RBMX: variants seen among roughly 807,000 people sequenced by gnomAD.
RBMX encodes RNA-binding motif protein, X chromosome.
A neutral mutation model predicts 29.3 loss-of-function variants in RBMX; 1 was observed. The observed-to-expected ratio is 0.03, with a 90% CI of 0.01 to 0.16. The LOEUF (loss-of-function observed/expected upper bound fraction) is 0.16, where lower values mean the gene tolerates loss of function less well. RBMX is among the 10% of genes least tolerant of loss of function. The pLI is 1.00. For synonymous variants in RBMX, 102 were observed against 102.3 expected (o/e 1.00, Z 0.02); for missense variants, 121 against 333.2 (o/e 0.36, Z 4.96).
At chrX:136,875,782 C>T (rs1403828262) in intron 5 of RBMX, among the ~76,000 whole-genome samples, 197 bp from the exon 6 acceptor site, 1 of 110,656 alleles carries the variant, frequency 9.0e-6, no homozygotes, top group East Asian at 2.8e-4. Flanking sequence ...ATCTAATCAC[C>T]TAGAACACAT....
intron 2 of RBMX, 88 bp downstream of exon 2, chrX:136,879,226 ATACAT>A (rs2077771362): frequency 8.4e-7 from 1 of 1,193,224 alleles, no homozygotes; most frequent in African/African-American, 1.8e-5. Flanking sequence ...GAGGACAAAA[ATACAT>A]TATCATGTCA....
In RBMX at chrX:136,880,604, G is replaced by A. The variant is rs1446012059; in HGVS notation, c.-34C>T. ...AGGAAAGGAGACACGTACCGGAGGG[G>A]TGACAATGGGTTCAAGCTCCAACGA... On this transcript the variant is annotated 5_prime_UTR_variant, in exon 1 of 9. Transcript: ENST00000320676. 1.7e-5 allele frequency: 2 copies of A among 118,862 alleles called. No homozygotes were observed. The highest frequency in any genetic ancestry group is 3.8e-5 in the Non-Finnish European group (2 of 53,289). The allele number at this position is 118,862 out of a possible 1,213,427, so 9.8% of individuals were successfully genotyped here. A position where few individuals can be genotyped will look rare whatever the true frequency, so the allele number is the denominator to read the frequency against.
At chrX:136,870,603 G>A (rs113219988), downstream of RBMX, among the ~76,000 whole-genome samples, 1,123 of 110,222 alleles carry the variant, frequency 0.01, 8 homozygotes, top group Middle Eastern at 0.038. Context: ...GGCCGAGACA[G>A]GCAGATCACT....
chrX:136,875,008 C>A, intron 8 of RBMX, 78 bp downstream of exon 8: 1 of 1,184,505 alleles, frequency 8.4e-7, no homozygotes, highest in Non-Finnish European at 1.1e-6. Flanking sequence ...AAAGCAAGCA[C>A]CACACAGCCT....
rs770292839 is a variant in RBMX, at chrX:136,878,016, G to A, written c.287C>T (p.Pro96Leu). The A allele has an allele frequency of 5.8e-6, 7 of 1,209,606 alleles. No homozygotes were observed. Among genetic ancestry groups the A allele is most frequent in the Non-Finnish European group, 7.8e-6 (7 of 894,163 alleles). Residue 96 changes from proline (P) to leucine (L), a missense_variant, in exon 4 of 9, where the codon CCG (proline) becomes CTG (leucine). Around this residue, in one of 2 missense-constraint regions of RBMX, gnomAD observed 114 missense variants for 260.0 expected, o/e 0.44. Transcript: ENST00000320676. The stretch of plus-strand genomic sequence containing the variant: ...GCCTCTACTTCTTGGAGGTGGAGGC[G>A]GTCCACGTCTACCACTTTCAAATGA... ...KPSFESGRRG[P>L]PPPPRSRGPP...
chrX:136,870,954 A>T (rs1443316582), downstream of RBMX, among the ~76,000 whole-genome samples: 1 of 107,253 alleles, frequency 9.3e-6, no homozygotes, highest in African/African-American at 3.4e-5. Flanking sequence ...AATACAAATA[A>T]TAATAATAAT....
downstream of RBMX, chrX:136,872,305 T>C (rs1339420355): frequency 3.5e-5 from 41 of 1,164,979 alleles, no homozygotes; most frequent in Non-Finnish European, 4.5e-5. Context: ...CTACTGTGAA[T>C]CAATCAGCAC....
At chrX:136,874,577 A>G in intron 8 of RBMX, 125 bp from the exon 9 acceptor site, 1 of 829,506 alleles carries the variant, frequency 1.2e-6, no homozygotes. Context: ...GAGGTTTTAA[A>G]CTCTGCCATT....
At chrX:136,879,926 G>C (rs185495739) in intron 1 of RBMX, among the ~76,000 whole-genome samples, 1 of 111,599 alleles carries the variant, frequency 9.0e-6, no homozygotes, top group Non-Finnish European at 1.9e-5. Context: ...GAAATGTGAA[G>C]TTTAAGCCAA....
At chrX:136,869,866 GGCTTA>G (rs1456714070), downstream of RBMX, 3 of 112,148 alleles carry the variant, frequency 2.7e-5, no homozygotes, top group Non-Finnish European at 5.6e-5. Context: ...AGGTAAAGTA[GGCTTA>G]TAAAACAATA....
chrX:136,874,966 T>C lies in RBMX; in HGVS notation c.865+120A>G, dbSNP rs1239848805. On this transcript the variant is annotated intron_variant, in intron 8 of 8. Transcript: ENST00000320676. The stretch of plus-strand genomic sequence containing the variant: ...CTAGGAAAAGCCCAGCTGATAAAGT[T>C]ACCCCTTTAAAAGCAAGCAAACATC... 3 of 1,088,793 alleles carry C rather than the reference T, an allele frequency of 2.8e-6. No individual in the cohort carries two copies. In the African/African-American group the frequency reaches 5.7e-5, roughly 21 times the overall value. 89.7% of individuals were successfully genotyped at this position (1,088,793 alleles called of 1,213,427 possible).
At position 136,874,018 on chromosome X, in the gene RBMX, T is replaced by C; in HGVS notation, c.*124A>G. ...AACATAAAAATTATGGAGGGGAACT[T>C]AACAGGGAATTTAAAAAAAGTAACA... On this transcript the variant is annotated 3_prime_UTR_variant, in exon 9 of 9. Coordinates refer to ENST00000320676, the MANE Select transcript of RBMX (RefSeq NM_002139.4). 9.0e-7 allele frequency: 1 copy of C among 1,110,784 alleles called. No individual in the cohort carries two copies. Among genetic ancestry groups the C allele is most frequent in the Non-Finnish European group, 1.2e-6 (1 of 847,561 alleles). 91.5% of individuals were successfully genotyped at this position (1,110,784 alleles called of 1,213,427 possible). A position where few individuals can be genotyped will look rare whatever the true frequency, so the allele number is the denominator to read the frequency against.
downstream of RBMX, chrX:136,869,867 G>T (rs1766302370): frequency 8.9e-6 from 1 of 111,994 alleles, no homozygotes; most frequent in South Asian, 3.7e-4. Context: ...GGTAAAGTAG[G>T]CTTATAAAAC....
chrX:136,870,878 G>A (rs1368018908), downstream of RBMX, among the ~76,000 whole-genome samples: 6 of 106,206 alleles, frequency 5.6e-5, no homozygotes, highest in Non-Finnish European at 9.7e-5. Flanking sequence ...AGGTCGAGGC[G>A]GGCGGATCAC....
chrX:136,872,473 T>G (rs750626378), downstream of RBMX: 218 of 569,252 alleles, frequency 3.8e-4, no homozygotes, highest in Non-Finnish European at 5.9e-4. Context: ...ATATTTCATG[T>G]TCTACTATTT....
intron 4 of RBMX, among the ~76,000 whole-genome samples, chrX:136,877,160 T>G (rs1000856560): frequency 6.4e-5 from 7 of 108,643 alleles, no homozygotes; most frequent in African/African-American, 1.3e-4. Flanking sequence ...CACGGTAAAA[T>G]CCTGTCTCTA....
intron 4 of RBMX, among the ~76,000 whole-genome samples, chrX:136,877,279 C>G (rs761500857): frequency 5.1e-5 from 5 of 97,673 alleles, no homozygotes; most frequent in African/African-American, 1.5e-4. Context: ...TTGTGGTGAG[C>G]CAAGATCGTG....
downstream of RBMX, among the ~76,000 whole-genome samples, chrX:136,870,979 T>C (rs1359968063): frequency 6.5e-5 from 7 of 107,208 alleles, no homozygotes; most frequent in Non-Finnish European, 1.2e-4. Flanking sequence ...ACCGACATAG[T>C]GGCAGGCACC....
intron 5 of RBMX, 136 bp downstream of exon 5, chrX:136,876,367 C>T: frequency 1.6e-6 from 1 of 620,031 alleles, no homozygotes; most frequent in South Asian, 4.4e-5. Context: ...CGTGATCCGT[C>T]TGCCGCGGCC....
Sources: gnomAD v4.1 joint callset for allele counts (sites outside exome capture counted in the v4.1 genomes callset) on GRCh38, gnomAD v4.1.1 for gene constraint, gnomAD v4.1.1 regional missense constraint, MANE v1.5 for transcripts, NCBI Gene and HGNC (gene_info 2026-07-23, HGNC 2026-07-21) for gene names.